The following KLHL25 variants were observed in gnomAD, a reference collection of about 807,000 sequenced individuals.
The protein encoded by KLHL25 is kelch like family member 25.
Under a neutral mutation model 30.0 loss-of-function variants are expected in KLHL25, and 41 were observed. The ratio of observed to expected loss-of-function variants is 1.37; its 90% confidence interval spans 1.07 to 1.78. The LOEUF (loss-of-function observed/expected upper bound fraction) is 1.78. KLHL25 is among the 40% of genes most tolerant of loss of function. KLHL25 has a pLI of 0.00. For missense variants in KLHL25, 971 were observed against 824.5 expected (o/e 1.18, Z -2.18); for synonymous variants, 399 against 355.3 (o/e 1.12, Z -1.38).
chr15:85,774,745 G>A (rs1002596708), intron 1 of KLHL25, among the ~76,000 whole-genome samples: 12 of 152,078 alleles, frequency 7.9e-5, no homozygotes, highest in African/African-American at 2.4e-4. Flanking sequence ...GAGGCACAGC[G>A]CTCAGCCTGC....
chr15:85,792,721 G>A (rs1190395680), intron 1 of KLHL25, among the ~76,000 whole-genome samples: 2 of 152,212 alleles, frequency 1.3e-5, no homozygotes, highest in East Asian at 1.9e-4. Flanking sequence ...TCTGGGAGAA[G>A]TGTGGGTGAG....
chr15:85,771,929 C>T (rs1212605748), intron 1 of KLHL25, among the ~76,000 whole-genome samples: 1 of 152,248 alleles, frequency 6.6e-6, no homozygotes, highest in Non-Finnish European at 1.5e-5. Flanking sequence ...TGAGAGACTG[C>T]GCTGACCGGG....
At chr15:85,783,400 A>T (rs1008392173) in intron 1 of KLHL25, among the ~76,000 whole-genome samples, 1 of 151,892 alleles carries the variant, frequency 6.6e-6, no homozygotes, top group African/African-American at 2.4e-5. Context: ...AGCCATATTT[A>T]AACATCTTAG....
chr15:85,776,498 CAATA>C (rs776295293), intron 1 of KLHL25, among the ~76,000 whole-genome samples: 2 of 151,558 alleles, frequency 1.3e-5, no homozygotes, highest in African/African-American at 2.4e-5. Context: ...ATCAATCAAT[CAATA>C]GCAAAAAAAA....
At chr15:85,784,091 G>A (rs574327057) in intron 1 of KLHL25, among the ~76,000 whole-genome samples, 4 of 152,180 alleles carry the variant, frequency 2.6e-5, no homozygotes, top group Admixed American at 2.0e-4. Flanking sequence ...CATGGATGTC[G>A]ACCTGATTCC....
At chr15:85,785,505 C>T (rs555162758) in intron 1 of KLHL25, among the ~76,000 whole-genome samples, 1 of 152,060 alleles carries the variant, frequency 6.6e-6, no homozygotes, top group South Asian at 2.1e-4. Context: ...ACATTGCTTA[C>T]AGCTTTGGAG....
At chr15:85,787,429 A>G (rs994721886) in intron 1 of KLHL25, among the ~76,000 whole-genome samples, 1 of 152,148 alleles carries the variant, frequency 6.6e-6, no homozygotes, top group African/African-American at 2.4e-5. Flanking sequence ...CTGGGTGACA[A>G]GAGCGAAACT....
chr15:85,776,226 C>G (rs561765685), intron 1 of KLHL25, among the ~76,000 whole-genome samples: 1 of 149,464 alleles, frequency 6.7e-6, no homozygotes, highest in African/African-American at 2.5e-5. Context: ...CAGTGGTTCA[C>G]GCCTGTAATC....
rs371582435 is a variant in KLHL25, at chr15:85,768,084, A to G, written c.1727T>C (p.Ile576Thr). 39 of 1,613,860 alleles carry G rather than the reference A, an allele frequency of 2.4e-5. No homozygotes were observed. Among genetic ancestry groups the G allele is most frequent in the Non-Finnish European group, 3.2e-5 (38 of 1,179,918 alleles). Residue 576 changes from isoleucine (I) to threonine (T), a missense_variant, in exon 2 of 3, where the codon ATC becomes ACC. By Grantham distance (89) the Ile-to-Thr change is moderately conservative. Coordinates refer to ENST00000337975, the MANE Select transcript of KLHL25 (RefSeq NM_022480.4). ...NCITTVPYSL[I>T]PTAFVSTWKH... ...CCAGGTGCTGACAAAGGCCGTGGGG[A>G]TAAGTGAGTAGGGCACTGTGGTGAT...
At position 85,769,815 on chromosome 15, in the gene KLHL25, C is replaced by T. The variant is rs769267392; in HGVS notation, c.-5G>A. 4.4e-5 allele frequency: 71 copies of T among 1,602,242 alleles called. No individual in the cohort carries two copies. The highest frequency in any genetic ancestry group is 1.1e-4 in the East Asian group (5 of 44,718). On this transcript the variant is annotated 5_prime_UTR_variant, in exon 2 of 3. Coordinates refer to ENST00000337975, the MANE Select transcript of KLHL25 (RefSeq NM_022480.4). ...CTCATGGACACTGACCGACATGGTG[C>T]GTCAGCTTGTGGGGGAACAAGCCCA...
chr15:85,775,230 T>C (rs552604776), intron 1 of KLHL25, among the ~76,000 whole-genome samples: 1 of 152,306 alleles, frequency 6.6e-6, no homozygotes, highest in Admixed American at 6.5e-5. Flanking sequence ...GTCTCTGGGT[T>C]AGCAGGAAAG....
intron 1 of KLHL25, among the ~76,000 whole-genome samples, chr15:85,793,738 C>T (rs2089832043): frequency 6.6e-6 from 1 of 152,152 alleles, no homozygotes. Flanking sequence ...AGAGTGGAAC[C>T]AAATGGTCCA....
chr15:85,775,902 G>A (rs960799275), intron 1 of KLHL25, among the ~76,000 whole-genome samples: 1 of 150,976 alleles, frequency 6.6e-6, no homozygotes, highest in African/African-American at 2.4e-5. Context: ...GGCCAGGCGT[G>A]GTGGCTCACA....
chr15:85,765,621 C>CA (rs200486890), intron 2 of KLHL25, among the ~76,000 whole-genome samples: 23,592 of 75,366 alleles, frequency 0.31, 2,683 homozygotes, highest in East Asian at 0.53. Context: ...GAGACTGTCT[C>CA]AAAAAAAAAA....
chr15:85,792,437 C>T (rs1452538184), intron 1 of KLHL25, among the ~76,000 whole-genome samples: 1 of 152,166 alleles, frequency 6.6e-6, no homozygotes, highest in Non-Finnish European at 1.5e-5. Flanking sequence ...CCAGCTCTGC[C>T]CACACTGGCC....
intron 1 of KLHL25, among the ~76,000 whole-genome samples, chr15:85,791,721 A>C (rs530631123): frequency 2.6e-5 from 4 of 152,204 alleles, no homozygotes; most frequent in Non-Finnish European, 5.9e-5. Context: ...AAAAACAAAA[A>C]AGGGAAAGGG....
At chr15:85,779,033 T>A (rs1031216083) in intron 1 of KLHL25, among the ~76,000 whole-genome samples, 13 of 149,378 alleles carry the variant, frequency 8.7e-5, no homozygotes, top group African/African-American at 3.2e-4. Context: ...TTTGGCCAGC[T>A]CCTCACCAAC....
intron 1 of KLHL25, among the ~76,000 whole-genome samples, chr15:85,785,087 C>CTTTTT (rs754310721): frequency 3.6e-5 from 5 of 139,080 alleles, no homozygotes; most frequent in African/African-American, 7.9e-5. Flanking sequence ...TGATGTATTT[C>CTTTTT]TTTTTTCTTT....
In KLHL25 at chr15:85,780,685, C is replaced by T. The variant is rs74024906; in HGVS notation, c.-10-10865G>A. Among the ~76,000 whole-genome samples the T allele has an allele frequency of 2.7e-3, 417 of 152,348 alleles. 1 individual carries two copies. The highest frequency in any genetic ancestry group is 9.5e-3 in the African/African-American group (394 of 41,584). ...GCTCTGTTCTTCTCTAGGCTGTCAA[C>T]GCTGATGCTGAATCAGAATGAGAAT... On this transcript the variant is annotated intron_variant, in intron 1 of 2. Transcript: ENST00000337975.
Sources: allele counts gnomAD v4.1 joint callset (sites outside exome capture counted in the v4.1 genomes callset), GRCh38; gene constraint gnomAD v4.1.1; transcripts MANE v1.5; gene names NCBI Gene and HGNC (gene_info 2026-07-23, HGNC 2026-07-21).